The following CACNA1E variants were observed in gnomAD, a reference collection of about 807,000 sequenced individuals.
The protein encoded by CACNA1E is calcium voltage-gated channel subunit alpha1 E.
Under a neutral mutation model 259.2 loss-of-function variants are expected in CACNA1E, and 40 were observed. The ratio of observed to expected loss-of-function variants is 0.15; its 90% CI spans 0.12 to 0.20. The LOEUF is 0.20. CACNA1E is among the 10% of genes least tolerant of loss of function. The pLI is 1.00. For synonymous variants in CACNA1E, 1,104 were observed against 1,138.5 expected (o/e 0.97, Z 0.61); for missense variants, 1,874 against 3,040.1 (o/e 0.62, Z 9.02).
At chr1:181,482,818 GCCCGCCCGCTCGCACT>G (rs571619220), upstream of CACNA1E, among the ~76,000 whole-genome samples, 353 of 152,336 alleles carry the variant, frequency 2.3e-3, no homozygotes, top group African/African-American at 8.1e-3. Context: ...GGTGCTCGCC[GCCCGCCCGCTCGCACT>G]CCCGCCCTCT....
intron 9 of CACNA1E, 27 bp from the exon 10 acceptor site, chr1:181,716,013 C>T: frequency 6.6e-7 from 1 of 1,516,592 alleles, no homozygotes; most frequent in Non-Finnish European, 9.0e-7. Context: ...TGTGGCCTCT[C>T]ACTGGTCTTC....
intron 3 of CACNA1E, among the ~76,000 whole-genome samples, chr1:181,541,604 T>C (rs1019753309): frequency 6.6e-6 from 1 of 152,198 alleles, no homozygotes; most frequent in East Asian, 1.9e-4. Context: ...AAGGCTCTGT[T>C]TCTGGGCAAG....
At chr1:181,379,149 A>G (rs1234046070) in intron 1 of CACNA1E, among the ~76,000 whole-genome samples, 1 of 152,204 alleles carries the variant, frequency 6.6e-6, no homozygotes, top group Non-Finnish European at 1.5e-5. Context: ...CCAAGTCCAT[A>G]GCAATAAAAA....
At chr1:181,794,831 A>T (rs780651598) in intron 45 of CACNA1E, 33 bp from the exon 46 acceptor site, 69 of 1,585,304 alleles carry the variant, frequency 4.4e-5, no homozygotes, top group Non-Finnish European at 5.7e-5. Context: ...GTTAATCCAT[A>T]CCTTGTGTTT....
At chr1:181,574,966 A>C (rs530652218) in intron 3 of CACNA1E, among the ~76,000 whole-genome samples, 1 of 151,938 alleles carries the variant, frequency 6.6e-6, no homozygotes, top group East Asian at 1.9e-4. Context: ...CGGAGGTTGC[A>C]GTGAGCTGAG....
At chr1:181,731,143 G>A (rs1394651528) in intron 18 of CACNA1E, 32 bp from the exon 19 acceptor site, 1 of 1,593,534 alleles carries the variant, frequency 6.3e-7, no homozygotes, top group Non-Finnish European at 8.6e-7. Context: ...AGAGGTTGGG[G>A]TGAACTGAAC....
intron 40 of CACNA1E, among the ~76,000 whole-genome samples, chr1:181,784,220 C>T (rs775194488): frequency 7.2e-5 from 11 of 152,162 alleles, no homozygotes; most frequent in Admixed American, 1.3e-4. Context: ...CTACTACTTC[C>T]AGGTGGACCT....
intron 1 of CACNA1E, among the ~76,000 whole-genome samples, chr1:181,503,446 C>T (rs940480352): frequency 3.3e-4 from 51 of 152,314 alleles, no homozygotes; most frequent in African/African-American, 1.0e-3. Context: ...TGTTTGGATG[C>T]GCTTTCCATA....
chr1:181,371,861 T>C (rs1287919176), intron 1 of CACNA1E, among the ~76,000 whole-genome samples: 1 of 152,262 alleles, frequency 6.6e-6, no homozygotes, highest in African/African-American at 2.4e-5. Flanking sequence ...CCATTGCTTG[T>C]TATTGTCAAC....
At chr1:181,581,892 C>T (rs1249761311) in intron 6 of CACNA1E, among the ~76,000 whole-genome samples, 1 of 152,138 alleles carries the variant, frequency 6.6e-6, no homozygotes, top group African/African-American at 2.4e-5. Context: ...TTCTCTAGAT[C>T]TTTTTAGCCT....
At chr1:181,481,669 G>A (rs900170480), upstream of CACNA1E, among the ~76,000 whole-genome samples, 42 of 152,224 alleles carry the variant, frequency 2.8e-4, no homozygotes, top group African/African-American at 8.9e-4. Context: ...CACAGAAGAC[G>A]GTGTGCCCCA....
intron 7 of CACNA1E, among the ~76,000 whole-genome samples, chr1:181,689,937 CTGA>C (rs2102315304): frequency 6.6e-6 from 1 of 152,258 alleles, no homozygotes; most frequent in South Asian, 2.1e-4. Flanking sequence ...CCTGTTCACT[CTGA>C]TGATAGTTTC....
intron 24 of CACNA1E, 73 bp from the exon 25 acceptor site, chr1:181,739,074 T>C: frequency 2.2e-6 from 2 of 897,852 alleles, no homozygotes; most frequent in Non-Finnish European, 1.9e-6. Flanking sequence ...GGCACTGCCA[T>C]GATGAACAGA....
At chr1:181,378,758 G>A (rs926630175) in intron 1 of CACNA1E, among the ~76,000 whole-genome samples, 2 of 152,188 alleles carry the variant, frequency 1.3e-5, no homozygotes, top group African/African-American at 4.8e-5. Context: ...AGTTGGTAGA[G>A]TACACAGAAA....
intron 3 of CACNA1E, among the ~76,000 whole-genome samples, chr1:181,515,080 A>G (rs1666469894): frequency 6.6e-6 from 1 of 151,672 alleles, no homozygotes; most frequent in Non-Finnish European, 1.5e-5. Context: ...TTTTCCCCAT[A>G]CTGGCAGTTA....
At chr1:181,688,594 T>A (rs1346441350) in intron 7 of CACNA1E, among the ~76,000 whole-genome samples, 1 of 152,254 alleles carries the variant, frequency 6.6e-6, no homozygotes, top group Admixed American at 6.5e-5. Flanking sequence ...ATGTATATAT[T>A]GTGAAATGTT....
intron 3 of CACNA1E, among the ~76,000 whole-genome samples, chr1:181,570,852 C>G (rs920941080): frequency 6.6e-6 from 1 of 152,228 alleles, no homozygotes; most frequent in Non-Finnish European, 1.5e-5. Flanking sequence ...TGCAAAGTCC[C>G]TTTTGCCATA....
chr1:181,469,678 C>T (rs894619004), intron 2 of CACNA1E, among the ~76,000 whole-genome samples: 6 of 151,942 alleles, frequency 3.9e-5, no homozygotes, highest in Non-Finnish European at 8.8e-5. Context: ...AGGCAGACAC[C>T]GGGATCTGAG....
intron 7 of CACNA1E, among the ~76,000 whole-genome samples, chr1:181,654,828 C>CA (rs564485065): frequency 0.011 from 1,696 of 151,880 alleles, 33 homozygotes; most frequent in African/African-American, 0.037. Flanking sequence ...ACTAAAAATA[C>CA]AAAAAATTAG....
Sources: gnomAD v4.1 joint callset for allele counts (sites outside exome capture counted in the v4.1 genomes callset) on GRCh38, gnomAD v4.1.1 for gene constraint, MANE v1.5 for transcripts, NCBI Gene and HGNC (gene_info 2026-07-23, HGNC 2026-07-21) for gene names.